The following TBCEL variants were observed in gnomAD, a reference collection of about 807,000 sequenced individuals.
The protein encoded by TBCEL is tubulin-specific chaperone cofactor E-like protein.
A neutral mutation model predicts 44.2 loss-of-function variants in TBCEL; 15 were observed. The ratio of observed to expected loss-of-function variants is 0.34; its 90% CI spans 0.23 to 0.52. The LOEUF is 0.52. TBCEL is among the 20% of genes least tolerant of loss of function. The pLI, the probability that TBCEL is intolerant of heterozygous loss-of-function variation, is 0.95. For missense variants in TBCEL, 319 were observed against 506.3 expected (o/e 0.63, Z 3.55); for synonymous variants, 171 against 185.4 (o/e 0.92, Z 0.63).
chr11:121,047,773 G>C, intron 4 of TBCEL, 106 bp downstream of exon 4: 2 of 1,365,202 alleles, frequency 1.5e-6, no homozygotes, highest in Admixed American at 2.1e-5. Flanking sequence ...CTTGATGTCT[G>C]TATGACTTCT....
At chr11:121,068,243 C>G (rs1456225757) in intron 8 of TBCEL, among the ~76,000 whole-genome samples, 2 of 152,134 alleles carry the variant, frequency 1.3e-5, no homozygotes, top group African/African-American at 2.4e-5. Flanking sequence ...TTCCCTTACC[C>G]TGCCTCCCTC....
intron 1 of TBCEL, among the ~76,000 whole-genome samples, chr11:121,027,347 A>G (rs958521278): frequency 9.9e-5 from 15 of 152,212 alleles, no homozygotes; most frequent in Admixed American, 1.3e-4. Context: ...TAGAATGGTA[A>G]TAACTGGACT....
intron 8 of TBCEL, among the ~76,000 whole-genome samples, chr11:121,079,800 G>T (rs1156797764): frequency 6.6e-6 from 1 of 152,030 alleles, no homozygotes; most frequent in Non-Finnish European, 1.5e-5. Context: ...CAATGCCTTG[G>T]GAAACAAACT....
intron 8 of TBCEL, among the ~76,000 whole-genome samples, chr11:121,082,643 G>A (rs1440065282): frequency 6.6e-6 from 1 of 152,170 alleles, no homozygotes; most frequent in African/African-American, 2.4e-5. Flanking sequence ...TTGTCTTGGG[G>A]CCACCCTGAG....
In TBCEL at chr11:121,090,578, C is replaced by T. The variant is rs1296687928; in HGVS notation, c.*3482C>T. 6.6e-6 allele frequency: 1 copy of T among 151,814 alleles called. No homozygotes were observed. The highest frequency in any genetic ancestry group is 1.9e-4 in the East Asian group (1 of 5,186). The allele number at this position is 151,814 out of a possible 1,614,324, so 9.4% of individuals were successfully genotyped here. ...TAGGTGCTTCCTTGAAATATATGTC[C>T]ATTGTAGTGGTGGAGAGGGACTGGA... On this transcript the variant is annotated 3_prime_UTR_variant, in exon 9 of 9. Transcript: ENST00000683345.
intron 1 of TBCEL, among the ~76,000 whole-genome samples, chr11:121,024,571 G>T (rs1283161237): frequency 1.3e-5 from 2 of 152,156 alleles, no homozygotes. Context: ...TCCCGGGTTG[G>T]AGGAGGGCGT....
Position 121,058,409 on chromosome 11 carries a change from G to A in TBCEL, c.777G>A (p.Leu259=). ...NSFPKLEEVR[L]LGIPLLQPYT... ...TTCCCAAACTGGAAGAAGTGAGATT[G>A]TTAGGAATTCCTCTTCTGCAGCCAT... Residue 259 remains leucine, a synonymous_variant, in exon 7 of 9, where the codon TTG becomes TTA. Transcript: ENST00000683345. 6.2e-7 allele frequency: 1 copy of A among 1,612,072 alleles called. No homozygotes were observed. The highest frequency in any genetic ancestry group is 8.5e-7 in the Non-Finnish European group (1 of 1,178,484).
At chr11:121,024,550 TGGGGGACTGGTCCC>T (rs1180575094) in intron 1 of TBCEL, among the ~76,000 whole-genome samples, 3 of 148,610 alleles carry the variant, frequency 2.0e-5, no homozygotes, top group Non-Finnish European at 4.5e-5. Flanking sequence ...TGGGCTGGGC[TGGGGGACTGGTCCC>T]GGGTTGGAGG....
At chr11:121,073,404 C>T (rs1945972706) in intron 8 of TBCEL, among the ~76,000 whole-genome samples, 1 of 151,608 alleles carries the variant, frequency 6.6e-6, no homozygotes, top group Non-Finnish European at 1.5e-5. Flanking sequence ...CATTTTGTTG[C>T]TATTTGAAGT....
Position 121,089,493 on chromosome 11 carries a change from G to A in TBCEL, c.*2397G>A, listed in dbSNP as rs1201679563. ...AGAGAAAAATGTAATACAATTACTG[G>A]TCTGAGTTACAGAACAGAAGTTAAT... is the stretch of plus-strand genomic sequence containing the variant. On this transcript the variant is annotated 3_prime_UTR_variant, in exon 9 of 9. Coordinates refer to ENST00000683345, the MANE Select transcript of TBCEL (RefSeq NM_001363644.2). 1 of 152,192 alleles carries A rather than the reference G, an allele frequency of 6.6e-6. No individual in the cohort carries two copies. Among genetic ancestry groups the A allele is most frequent in the East Asian group, 1.9e-4 (1 of 5,200 alleles). The allele number at this position is 152,192 out of a possible 1,614,324, so 9.4% of individuals were successfully genotyped here.
At chr11:121,042,829 A>G (rs2134911813) in intron 2 of TBCEL, among the ~76,000 whole-genome samples, 1 of 152,224 alleles carries the variant, frequency 6.6e-6, no homozygotes, top group South Asian at 2.1e-4. Flanking sequence ...TACAAACCTG[A>G]GAGGAAGGTT....
chr11:121,054,993 G>A lies in TBCEL; in HGVS notation c.456-59G>A, dbSNP rs1007500044. 4.3e-6 allele frequency: 6 copies of A among 1,380,120 alleles called. No individual in the cohort carries two copies. In the East Asian group the frequency reaches 7.6e-5, roughly 17 times the overall value. The allele number at this position is 1,380,120 out of a possible 1,614,324, so 85.5% of individuals were successfully genotyped here. On this transcript the variant is annotated intron_variant, in intron 5 of 8. Coordinates refer to ENST00000683345, the MANE Select transcript of TBCEL (RefSeq NM_001363644.2). ...CTTATTTATTGAATGAATGAAAATA[G>A]GTGTAAAGTAGAAATTAAACTGCTT...
chr11:121,086,621 A>G (rs1374938484), intron 8 of TBCEL, among the ~76,000 whole-genome samples, 157 bp from the exon 9 acceptor site: 1 of 152,192 alleles, frequency 6.6e-6, no homozygotes, highest in Non-Finnish European at 1.5e-5. Context: ...TCCCTAGGGC[A>G]CTCATATTAG....
chr11:121,052,854 T>C (rs1591395258), intron 4 of TBCEL, among the ~76,000 whole-genome samples: 1 of 151,904 alleles, frequency 6.6e-6, no homozygotes, highest in South Asian at 2.1e-4. Context: ...ATGAATAAAC[T>C]ATATCAAAGA....
intron 4 of TBCEL, among the ~76,000 whole-genome samples, chr11:121,052,423 G>T (rs1945544940): frequency 6.6e-6 from 1 of 151,806 alleles, no homozygotes; most frequent in African/African-American, 2.4e-5. Context: ...GATTTGGAAA[G>T]ATTAAGTCAC....
At chr11:121,071,480 A>G (rs936439393) in intron 8 of TBCEL, among the ~76,000 whole-genome samples, 4 of 152,202 alleles carry the variant, frequency 2.6e-5, no homozygotes, top group African/African-American at 9.7e-5. Context: ...TTTGATGGAA[A>G]GAGGAAGTAC....
chr11:121,080,170 A>C (rs186487366), intron 8 of TBCEL, among the ~76,000 whole-genome samples: 4 of 152,296 alleles, frequency 2.6e-5, no homozygotes, highest in Admixed American at 2.6e-4. Context: ...CAAGTGAACC[A>C]TCTGGGATTT....
intron 2 of TBCEL, among the ~76,000 whole-genome samples, chr11:121,039,483 A>T (rs545927562): frequency 6.6e-6 from 1 of 152,336 alleles, no homozygotes; most frequent in African/African-American, 2.4e-5. Context: ...AGTGCTTAGC[A>T]TAGTGTTTGG....
chr11:121,069,873 A>G (rs1376997122), intron 8 of TBCEL, among the ~76,000 whole-genome samples: 3 of 152,176 alleles, frequency 2.0e-5, no homozygotes, highest in African/African-American at 7.2e-5. Flanking sequence ...AGTCCGTGAA[A>G]GACTTTGGTA....
Sources: allele counts gnomAD v4.1 joint callset (sites outside exome capture counted in the v4.1 genomes callset), GRCh38; gene constraint gnomAD v4.1.1; transcripts MANE v1.5; gene names NCBI Gene and HGNC (gene_info 2026-07-23, HGNC 2026-07-21).